CDH18: variants seen among roughly 807,000 people sequenced by gnomAD.
The protein encoded by CDH18 is cadherin-18.
CDH18 carries 31 observed loss-of-function variants against 67.9 expected under a neutral mutation model. That is an observed-to-expected ratio of 0.46 (90% CI 0.34 to 0.62). The LOEUF (loss-of-function observed/expected upper bound fraction) is 0.62. Ranked by LOEUF, CDH18 falls within the 20% of genes least tolerant of loss-of-function variation. The probability of loss-of-function intolerance (pLI) is 0.01; values close to 1 mark genes in which losing one functional copy is unlikely to be tolerated. For missense variants in CDH18, 890 were observed against 975.5 expected (o/e 0.91, Z 1.17); for synonymous variants, 362 against 347.2 (o/e 1.04, Z -0.48).
At chr5:19,675,945 C>T (rs1422607125) in intron 5 of CDH18, among the ~76,000 whole-genome samples, 2 of 151,666 alleles carry the variant, frequency 1.3e-5, no homozygotes, top group Non-Finnish European at 2.9e-5. Context: ...TCAGCCTGTC[C>T]CTCCATTCGG....
intron 1 of CDH18, among the ~76,000 whole-genome samples, chr5:20,268,203 G>A (rs761915997): frequency 6.6e-6 from 1 of 152,120 alleles, no homozygotes; most frequent in Non-Finnish European, 1.5e-5. Flanking sequence ...ATTACTGATG[G>A]ACACCTAGGT....
At chr5:19,520,035 T>C (rs977388621) in intron 10 of CDH18, among the ~76,000 whole-genome samples, 4 of 152,186 alleles carry the variant, frequency 2.6e-5, no homozygotes, top group African/African-American at 9.7e-5. Context: ...TAATTTCTTA[T>C]ACAGCAGAAA....
chr5:19,636,087 A>G (rs537250334), intron 5 of CDH18, among the ~76,000 whole-genome samples: 1 of 152,256 alleles, frequency 6.6e-6, no homozygotes, highest in South Asian at 2.1e-4. Context: ...TAAGTTAAAA[A>G]GCCCTCCCCT....
At chr5:19,646,439 A>G (rs1754750781) in intron 5 of CDH18, among the ~76,000 whole-genome samples, 1 of 152,128 alleles carries the variant, frequency 6.6e-6, no homozygotes, top group Non-Finnish European at 1.5e-5. Context: ...TCCTGGGTTC[A>G]AGAGATTCTC....
intron 1 of CDH18, among the ~76,000 whole-genome samples, chr5:20,276,510 C>A (rs943436994): frequency 6.6e-6 from 1 of 152,114 alleles, no homozygotes; most frequent in East Asian, 1.9e-4. Flanking sequence ...AATAAAGAAC[C>A]CTTGAGCCCT....
At chr5:19,902,281 A>G (rs1790025497) in intron 2 of CDH18, among the ~76,000 whole-genome samples, 1 of 152,044 alleles carries the variant, frequency 6.6e-6, no homozygotes, top group South Asian at 2.1e-4. Flanking sequence ...ACATTTAGTG[A>G]CTCCATTTTA....
intron 3 of CDH18, among the ~76,000 whole-genome samples, chr5:19,801,656 C>A (rs1309136167): frequency 6.6e-6 from 1 of 152,186 alleles, no homozygotes; most frequent in Non-Finnish European, 1.5e-5. Context: ...TACACCAGAT[C>A]AGAGCTTTGT....
chr5:20,357,109 C>T (rs1455698801), intron 1 of CDH18, among the ~76,000 whole-genome samples: 1 of 151,594 alleles, frequency 6.6e-6, no homozygotes, highest in Admixed American at 6.6e-5. Context: ...TTACCTGACA[C>T]TTTATGAGAA....
intron 1 of CDH18, among the ~76,000 whole-genome samples, chr5:20,435,122 C>T (rs1017546191): frequency 3.9e-5 from 6 of 152,016 alleles, no homozygotes; most frequent in Middle Eastern, 3.4e-3. Context: ...CAGTAGTGAC[C>T]GTTCCCTCTC....
At chr5:20,442,241 C>T (rs10042153) in intron 1 of CDH18, among the ~76,000 whole-genome samples, 1 of 151,450 alleles carries the variant, frequency 6.6e-6, no homozygotes, top group Non-Finnish European at 1.5e-5. Flanking sequence ...GATACACAAG[C>T]GAAGGAAACT....
At chr5:20,429,802 T>C (rs1420618452) in intron 1 of CDH18, among the ~76,000 whole-genome samples, 1 of 152,206 alleles carries the variant, frequency 6.6e-6, no homozygotes, top group East Asian at 1.9e-4. Flanking sequence ...ATAGTGTCAT[T>C]GTATAAAAGA....
intron 3 of CDH18, among the ~76,000 whole-genome samples, chr5:19,763,826 C>T (rs1772687714): frequency 6.6e-6 from 1 of 151,624 alleles, no homozygotes; most frequent in Non-Finnish European, 1.5e-5. Flanking sequence ...AAAACAAAAG[C>T]ATATTAGTGT....
At position 19,916,239 on chromosome 5, in the gene CDH18, T is replaced by G. The variant is rs79595883; in HGVS notation, c.-257+64821A>C. ...GAGCACTGCAAGATCTGGCCTCTAGTTACTTCTCTGACCTCCTGTCTTACT... is the reference window on the plus strand; with the variant it reads ...GAGCACTGCAAGATCTGGCCTCTAGGTACTTCTCTGACCTCCTGTCTTACT... On this transcript the variant is annotated intron_variant, in intron 2 of 12. Transcript: ENST00000382275. Among the ~76,000 whole-genome samples the G allele has an allele frequency of 2.2e-3, 328 of 152,296 alleles. 2 individuals are homozygous for G. Among genetic ancestry groups the G allele is most frequent in the African/African-American group, 7.4e-3 (306 of 41,584 alleles).
At chr5:20,098,805 T>C (rs1424497780) in intron 2 of CDH18, among the ~76,000 whole-genome samples, 2 of 152,218 alleles carry the variant, frequency 1.3e-5, no homozygotes, top group East Asian at 3.9e-4. Context: ...ATTTATTGTA[T>C]AAAACAAAGG....
intron 1 of CDH18, among the ~76,000 whole-genome samples, chr5:20,430,102 C>T (rs1364493808): frequency 2.6e-5 from 4 of 152,098 alleles, no homozygotes; most frequent in Non-Finnish European, 5.9e-5. Flanking sequence ...AATATTTTTA[C>T]CTGCTTTAGT....
chr5:19,958,004 C>A (rs1006303386), intron 2 of CDH18, among the ~76,000 whole-genome samples: 1 of 151,894 alleles, frequency 6.6e-6, no homozygotes, highest in Non-Finnish European at 1.5e-5. Flanking sequence ...TGAAATAAAT[C>A]TTTTTCTCTT....
At chr5:20,385,781 C>T (rs1362643050) in intron 1 of CDH18, among the ~76,000 whole-genome samples, 3 of 152,144 alleles carry the variant, frequency 2.0e-5, no homozygotes, top group Non-Finnish European at 4.4e-5. Context: ...ATAAACATTG[C>T]ACAAATATAC....
At position 19,472,542 on chromosome 5, in the gene CDH18, A is replaced by C. The variant is rs1737734763; in HGVS notation, c.*684T>G. On this transcript the variant is annotated 3_prime_UTR_variant, in exon 13 of 13. Coordinates refer to ENST00000382275, the MANE Select transcript of CDH18 (RefSeq NM_004934.5). ...AAAGGGGGTGTACGGGATAGAGACA[A>C]TAGTCTCGTGCTCAGTACAGCACAC... Among the ~76,000 whole-genome samples, 3 of 152,098 alleles carry C rather than the reference A, an allele frequency of 2.0e-5. No homozygotes were observed. The highest frequency in any genetic ancestry group is 4.1e-4 in the South Asian group (2 of 4,824).
chr5:20,010,298 G>A (rs1340100402), intron 2 of CDH18, among the ~76,000 whole-genome samples: 1 of 151,616 alleles, frequency 6.6e-6, no homozygotes, highest in South Asian at 2.1e-4. Flanking sequence ...GCAGTGGCAC[G>A]ATCTTGGTTC....
Sources: gnomAD v4.1 joint callset for allele counts (sites outside exome capture counted in the v4.1 genomes callset) on GRCh38, gnomAD v4.1.1 for gene constraint, MANE v1.5 for transcripts, NCBI Gene and HGNC (gene_info 2026-07-23, HGNC 2026-07-21) for gene names.